Variants in LPCAT2 observed in about 807,000 individuals in gnomAD.
The protein encoded by LPCAT2 is lysophosphatidylcholine acyltransferase 2.
LPCAT2 carries 58 observed loss-of-function variants against 64.7 expected under a neutral mutation model. That is an observed-to-expected ratio of 0.90 (90% CI 0.73 to 1.12). The LOEUF is 1.12. Ranked by LOEUF, LPCAT2 falls within the 50% of genes most tolerant of loss-of-function variation. LPCAT2 has a pLI of 0.00. For missense variants in LPCAT2, 579 were observed against 669.8 expected, an observed-to-expected ratio of 0.86 and a Z score of 1.50; for synonymous variants, 252 against 245.3, an observed-to-expected ratio of 1.03 and a Z score of -0.26.
At chr16:55,579,280 A>G (rs1369023064) in intron 13 of LPCAT2, 36 bp downstream of exon 13, 13 of 1,603,320 alleles carry the variant, frequency 8.1e-6, no homozygotes, top group Non-Finnish European at 1.0e-5. Context: ...CTTAGTTTAC[A>G]AGGAGGACAT....
chr16:55,519,382 G>A (rs1176868213), intron 1 of LPCAT2, among the ~76,000 whole-genome samples: 4 of 151,448 alleles, frequency 2.6e-5, no homozygotes, highest in Non-Finnish European at 5.9e-5. Flanking sequence ...GGTGGCGGGC[G>A]CCTGTAGTCC....
At chr16:55,527,537 T>G (rs1287649545) in intron 2 of LPCAT2, among the ~76,000 whole-genome samples, 1 of 151,956 alleles carries the variant, frequency 6.6e-6, no homozygotes, top group African/African-American at 2.4e-5. Context: ...ACATATTTTA[T>G]TTTTCATAAA....
chr16:55,549,441 G>A (rs1203021157), intron 10 of LPCAT2, 39 bp downstream of exon 10: 1 of 1,534,104 alleles, frequency 6.5e-7, no homozygotes, highest in African/African-American at 1.4e-5. Flanking sequence ...TCATAAAGTT[G>A]TCCAAAAGGG....
At chr16:55,514,889 ATT>A (rs1567389289) in intron 1 of LPCAT2, among the ~76,000 whole-genome samples, 1 of 105,694 alleles carries the variant, frequency 9.5e-6, no homozygotes, top group African/African-American at 3.5e-5. Flanking sequence ...GATGCAATGC[ATT>A]GTGTGTGTGT....
chr16:55,565,433 A>G (rs1262245854), intron 11 of LPCAT2, among the ~76,000 whole-genome samples: 1 of 152,148 alleles, frequency 6.6e-6, no homozygotes, highest in Non-Finnish European at 1.5e-5. Context: ...ATTATTCCCA[A>G]TAGCCAAAAG....
intron 12 of LPCAT2, among the ~76,000 whole-genome samples, chr16:55,575,294 T>C (rs1963814990): frequency 6.6e-6 from 1 of 152,160 alleles, no homozygotes; most frequent in Admixed American, 6.6e-5. Flanking sequence ...ATAAAATTCA[T>C]GTCCCTGGTT....
intron 11 of LPCAT2, among the ~76,000 whole-genome samples, chr16:55,552,319 T>C (rs1963526691): frequency 1.3e-5 from 2 of 152,232 alleles, no homozygotes; most frequent in Admixed American, 1.3e-4. Flanking sequence ...TGTATAGATG[T>C]ACCATAGTTA....
intron 3 of LPCAT2, among the ~76,000 whole-genome samples, chr16:55,529,535 T>C (rs1367772295): frequency 1.3e-5 from 2 of 152,152 alleles, no homozygotes; most frequent in Non-Finnish European, 2.9e-5. Context: ...AAAACAATAA[T>C]CTTGTAGCAT....
intron 4 of LPCAT2, among the ~76,000 whole-genome samples, chr16:55,530,492 TG>T (rs57443448): frequency 0.45 from 64,491 of 142,040 alleles, 14,122 homozygotes; most frequent in Admixed American, 0.5. Flanking sequence ...AATGCGGGGG[TG>T]GGGGGGGGGT....
intron 8 of LPCAT2, chr16:55,539,835 A>G (rs1263572137): frequency 6.6e-6 from 1 of 152,028 alleles, no homozygotes; most frequent in Non-Finnish European, 1.5e-5. Flanking sequence ...CCTTGTTACT[A>G]TCTTATTTTA....
chr16:55,509,340 G>C lies in LPCAT2; in HGVS notation c.159G>C (p.Ala53=), dbSNP rs779567939. The C allele has an allele frequency of 6.9e-7, 1 of 1,446,272 alleles. No homozygotes were observed. Among genetic ancestry groups the C allele is most frequent in the Non-Finnish European group, 9.2e-7 (1 of 1,088,880 alleles). 89.6% of individuals were successfully genotyped at this position (1,446,272 alleles called of 1,614,324 possible). A position where few individuals can be genotyped will look rare whatever the true frequency, so the allele number is the denominator to read the frequency against. ...PFVQQTQIGS[A]RRVQIVLLGI... The stretch of plus-strand genomic sequence containing the variant: ...TGCAGCAGACGCAGATCGGCTCCGC[G>C]AGGCGGGTCCAGGTGAGGGGCGTGG... Residue 53 remains alanine, a synonymous_variant, in exon 1 of 14, where the codon GCG becomes GCC. Transcript: ENST00000262134.
In LPCAT2 at chr16:55,512,672, C is replaced by A. The variant is rs560481495; in HGVS notation, c.171+3320C>A. Among the ~76,000 whole-genome samples, 5 of 152,234 alleles carry A rather than the reference C, an allele frequency of 3.3e-5. No individual in the cohort carries two copies. In the East Asian group the frequency reaches 7.7e-4, roughly 23 times the overall value. On this transcript the variant is annotated intron_variant, in intron 1 of 13. Transcript: ENST00000262134. The stretch of plus-strand genomic sequence containing the variant: ...CCTGAGCTGTGTATTTACAAAGGAG[C>A]CTTCAAGGACTCTGGAGGAAAGTAA...
intron 11 of LPCAT2, among the ~76,000 whole-genome samples, chr16:55,572,435 C>A (rs1317317393): frequency 2.0e-5 from 3 of 152,130 alleles, no homozygotes; most frequent in African/African-American, 7.2e-5. Flanking sequence ...GTGGAAAAAG[C>A]TAATTGCAGA....
At chr16:55,538,770 A>T (rs1354386088) in intron 8 of LPCAT2, 1 of 151,028 alleles carries the variant, frequency 6.6e-6, no homozygotes, top group Non-Finnish European at 1.5e-5. Context: ...ATTTAATAAC[A>T]TTTGGAAGTA....
At chr16:55,576,773 T>C (rs1390114573) in intron 12 of LPCAT2, among the ~76,000 whole-genome samples, 3 of 152,160 alleles carry the variant, frequency 2.0e-5, no homozygotes, top group Non-Finnish European at 4.4e-5. Context: ...GTCTAGATCA[T>C]GCATGGGGTT....
At chr16:55,545,667 T>G in intron 8 of LPCAT2, 68 bp from the exon 9 acceptor site, 1 of 990,250 alleles carries the variant, frequency 1.0e-6, no homozygotes, top group South Asian at 1.5e-5. Context: ...AATGTATAAA[T>G]TAATTTACTT....
rs12934747 is a variant in LPCAT2, at chr16:55,583,215, C to T, written c.*117C>T. ...GTTTAAAATTGAAAGATTTTTAAAA[C>T]AAAAATGATAGATTTTCTTACTAAA... On this transcript the variant is annotated 3_prime_UTR_variant, in exon 14 of 14. Transcript: ENST00000262134. 0.52 allele frequency: 408,617 copies of T among 786,426 alleles called. 108,152 individuals carry two copies. The highest frequency in any genetic ancestry group is 0.71 in the East Asian group (25,553 of 36,226). 48.7% of individuals were successfully genotyped at this position (786,426 alleles called of 1,614,324 possible). A position where few individuals can be genotyped will look rare whatever the true frequency, so the allele number is the denominator to read the frequency against.
intron 11 of LPCAT2, among the ~76,000 whole-genome samples, chr16:55,556,421 T>C (rs1460573255): frequency 4.6e-5 from 7 of 152,134 alleles, no homozygotes; most frequent in African/African-American, 1.7e-4. Flanking sequence ...TTAAAAATAG[T>C]ATCTGTAGAG....
At chr16:55,550,856 C>A (rs1963508283) in intron 10 of LPCAT2, 93 bp from the exon 11 acceptor site, 4 of 1,055,014 alleles carry the variant, frequency 3.8e-6, no homozygotes, top group Admixed American at 2.7e-5. Flanking sequence ...AAATATTTTT[C>A]TCCCAGATAC....
Sources: gnomAD v4.1 joint callset for allele counts (sites outside exome capture counted in the v4.1 genomes callset) on GRCh38, gnomAD v4.1.1 for gene constraint, MANE v1.5 for transcripts, NCBI Gene and HGNC (gene_info 2026-07-23, HGNC 2026-07-21) for gene names.